Variants in PAPPA observed in about 807,000 individuals in gnomAD.
PAPPA encodes pappalysin-1.
PAPPA carries 60 observed loss-of-function variants against 164.0 expected under a neutral mutation model. The ratio of observed to expected loss-of-function variants is 0.37; its 90% CI spans 0.30 to 0.45. PAPPA has a LOEUF of 0.45. Ranked by LOEUF, PAPPA falls within the 20% of genes least tolerant of loss-of-function variation. The pLI, the probability that PAPPA is intolerant of heterozygous loss-of-function variation, is 1.00. For missense variants in PAPPA, 1,782 were observed against 2,087.3 expected (o/e 0.85, Z 2.85); for synonymous variants, 875 against 814.1 (o/e 1.07, Z -1.27).
chr9:116,182,180 G>A (rs1336575764), intron 1 of PAPPA, among the ~76,000 whole-genome samples: 1 of 152,216 alleles, frequency 6.6e-6, no homozygotes, highest in Non-Finnish European at 1.5e-5. Context: ...GACTTGTTGT[G>A]AAGATTAAGC....
chr9:116,236,527 A>G (rs1448743746), intron 7 of PAPPA, among the ~76,000 whole-genome samples: 1 of 150,848 alleles, frequency 6.6e-6, no homozygotes, highest in Non-Finnish European at 1.5e-5. Flanking sequence ...GCGGGGTTGC[A>G]GTGAACCGAG....
chr9:116,262,108 G>A (rs1022993420), intron 7 of PAPPA, among the ~76,000 whole-genome samples: 5 of 151,630 alleles, frequency 3.3e-5, no homozygotes, highest in Non-Finnish European at 5.9e-5. Flanking sequence ...CCAGCTACTC[G>A]GGAGGCTGAG....
At chr9:116,329,750 G>A (rs1362541517) in intron 10 of PAPPA, among the ~76,000 whole-genome samples, 1 of 152,122 alleles carries the variant, frequency 6.6e-6, no homozygotes, top group Non-Finnish European at 1.5e-5. Flanking sequence ...ATGTCTATGA[G>A]CTTACCATTA....
chr9:116,301,870 G>A (rs1000232822), intron 9 of PAPPA, among the ~76,000 whole-genome samples: 1 of 152,214 alleles, frequency 6.6e-6, no homozygotes, highest in African/African-American at 2.4e-5. Context: ...AGTGTGGCAA[G>A]GAGACTTATT....
At chr9:116,286,503 G>A (rs1845341094) in intron 9 of PAPPA, 1 of 152,152 alleles carries the variant, frequency 6.6e-6, no homozygotes, top group Non-Finnish European at 1.5e-5. Flanking sequence ...CTTTGTTAAG[G>A]AAATTGATGG....
At chr9:116,199,287 A>G (rs1844143485) in intron 2 of PAPPA, among the ~76,000 whole-genome samples, 1 of 152,208 alleles carries the variant, frequency 6.6e-6, no homozygotes, top group Non-Finnish European at 1.5e-5. Context: ...GTTGGCAGAT[A>G]AATCTCTGCA....
At chr9:116,264,762 T>C (rs940864110) in intron 7 of PAPPA, among the ~76,000 whole-genome samples, 1 of 152,216 alleles carries the variant, frequency 6.6e-6, no homozygotes, top group African/African-American at 2.4e-5. Flanking sequence ...AAAAAATTAT[T>C]ACTAAAAATA....
chr9:116,188,354 C>G, intron 2 of PAPPA, 138 bp downstream of exon 2: 2 of 642,368 alleles, frequency 3.1e-6, no homozygotes, highest in Admixed American at 2.9e-5. Flanking sequence ...TGAGGCAAGT[C>G]TTTTACTCGG....
At chr9:116,377,795 A>T in intron 20 of PAPPA, 148 bp downstream of exon 20, 1 of 624,612 alleles carries the variant, frequency 1.6e-6, no homozygotes, top group Non-Finnish European at 2.8e-6. Context: ...AGGGATTAGC[A>T]GCCTTATTTT....
intron 17 of PAPPA, among the ~76,000 whole-genome samples, chr9:116,361,065 G>A (rs767787813): frequency 2.8e-4 from 43 of 152,216 alleles, no homozygotes; most frequent in Non-Finnish European, 5.1e-4. Flanking sequence ...ACAAATGCAG[G>A]CAATTTAAAC....
chr9:116,220,214 G>C, intron 5 of PAPPA, 85 bp downstream of exon 5: 1 of 1,035,412 alleles, frequency 9.7e-7, no homozygotes. Context: ...GACTTGGAGA[G>C]GGATTTTACT....
chr9:116,174,619 T>G (rs891191209), intron 1 of PAPPA, among the ~76,000 whole-genome samples: 1 of 152,196 alleles, frequency 6.6e-6, no homozygotes, highest in African/African-American at 2.4e-5. Context: ...TTAGACACAG[T>G]TGGCACAGTG....
At chr9:116,307,705 G>A (rs1325074627) in intron 10 of PAPPA, among the ~76,000 whole-genome samples, 2 of 152,090 alleles carry the variant, frequency 1.3e-5, no homozygotes, top group Non-Finnish European at 2.9e-5. Flanking sequence ...ATATATTTGA[G>A]TCCTGCACTG....
intron 5 of PAPPA, 150 bp from the exon 6 acceptor site, chr9:116,227,281 A>G: frequency 1.2e-6 from 1 of 816,276 alleles, no homozygotes; most frequent in Non-Finnish European, 2.0e-6. Context: ...ACTTACGGTT[A>G]TTTCCAGAAG....
chr9:116,372,687 C>T (rs1846591056), intron 19 of PAPPA, among the ~76,000 whole-genome samples: 1 of 151,812 alleles, frequency 6.6e-6, no homozygotes, highest in South Asian at 2.1e-4. Flanking sequence ...GTGCTGAGAC[C>T]TTGGCTTTTA....
intron 17 of PAPPA, among the ~76,000 whole-genome samples, chr9:116,357,212 T>C (rs1384023060): frequency 3.3e-5 from 5 of 152,244 alleles, no homozygotes; most frequent in Non-Finnish European, 1.5e-5. Context: ...ACTTGAAACA[T>C]GGTTGCAGCA....
intron 1 of PAPPA, among the ~76,000 whole-genome samples, chr9:116,177,941 T>C (rs759579400): frequency 1.7e-4 from 26 of 152,120 alleles, no homozygotes; most frequent in Non-Finnish European, 2.9e-4. Flanking sequence ...CAATTTTATA[T>C]GCACTGATTT....
intron 4 of PAPPA, 72 bp downstream of exon 4, chr9:116,212,004 A>C (rs1844314200): frequency 7.4e-7 from 1 of 1,348,432 alleles, no homozygotes; most frequent in Non-Finnish European, 1.0e-6. Flanking sequence ...GCTCAGGGGA[A>C]CCTTGAACAA....
intron 4 of PAPPA, among the ~76,000 whole-genome samples, chr9:116,215,974 A>T (rs1266157824): frequency 2.0e-5 from 3 of 152,174 alleles, no homozygotes; most frequent in Non-Finnish European, 4.4e-5. Flanking sequence ...ATACATATAC[A>T]CACATATACC....
Sources: allele counts gnomAD v4.1 joint callset (sites outside exome capture counted in the v4.1 genomes callset), GRCh38; gene constraint gnomAD v4.1.1; transcripts MANE v1.5; gene names NCBI Gene and HGNC (gene_info 2026-07-23, HGNC 2026-07-21).